EPHB1: variants seen among roughly 807,000 people sequenced by gnomAD.
EPHB1 encodes the protein EPH receptor B1, also known as ephrin type-B receptor 1.
In EPHB1, 30 loss-of-function variants were observed where a neutral mutation model predicts 94.4. The ratio of observed to expected loss-of-function variants is 0.32; its 90% confidence interval spans 0.24 to 0.43. The LOEUF is 0.43. EPHB1 is among the 20% of genes least tolerant of loss of function. The pLI, the probability that EPHB1 is intolerant of heterozygous loss-of-function variation, is 1.00. For synonymous variants in EPHB1, 522 were observed against 489.1 expected (o/e 1.07, Z -0.89); for missense variants, 1,055 against 1,308.3 (o/e 0.81, Z 2.99).
At chr3:135,162,637 C>T (rs1377037955) in intron 7 of EPHB1, among the ~76,000 whole-genome samples, 2 of 152,206 alleles carry the variant, frequency 1.3e-5, no homozygotes, top group African/African-American at 4.8e-5. Context: ...CACCTGGGAT[C>T]TCAGAAATTT....
rs908477198 is a variant in EPHB1 at position 135,249,598 on chromosome 3, C to T, written c.2846+107C>T. On this transcript the variant is annotated intron_variant, in intron 15 of 15. Coordinates refer to ENST00000398015, the MANE Select transcript of EPHB1 (RefSeq NM_004441.5). ...ATTTCTGGCCTCATCCCTGGAGCTC[C>T]GTCTCTGTATAGACCAGGCCTGGAT... The T allele has an allele frequency of 6.6e-5, 87 of 1,328,078 alleles. No individual in the cohort carries two copies. In the African/African-American group the frequency reaches 1.0e-3, roughly 16 times the overall value. The allele number at this position is 1,328,078 out of a possible 1,614,324, so 82.3% of individuals were successfully genotyped here. A position where few individuals can be genotyped will look rare whatever the true frequency, so the allele number is the denominator to read the frequency against.
intron 3 of EPHB1, among the ~76,000 whole-genome samples, chr3:134,970,339 TC>T (rs1270651858): frequency 1.3e-5 from 2 of 152,222 alleles, no homozygotes; most frequent in Non-Finnish European, 2.9e-5. Context: ...TCCAATTATT[TC>T]AACATGGAGA....
At chr3:134,902,777 T>TGG (rs1336927016) in intron 1 of EPHB1, among the ~76,000 whole-genome samples, 1 of 152,242 alleles carries the variant, frequency 6.6e-6, no homozygotes, top group Non-Finnish European at 1.5e-5. Flanking sequence ...GAGCTATTAC[T>TGG]GGGAGTAGGG....
chr3:134,893,066 G>A (rs1202209289), intron 1 of EPHB1, among the ~76,000 whole-genome samples: 1 of 152,064 alleles, frequency 6.6e-6, no homozygotes, highest in Non-Finnish European at 1.5e-5. Context: ...TCATCCATCT[G>A]AGAACCAATT....
chr3:135,143,215 G>T (rs921364074), intron 5 of EPHB1, among the ~76,000 whole-genome samples: 14 of 152,088 alleles, frequency 9.2e-5, no homozygotes, highest in African/African-American at 3.4e-4. Flanking sequence ...ATCAAGAAGA[G>T]GCCCACAACT....
chr3:134,876,188 T>C (rs752117917), intron 1 of EPHB1, among the ~76,000 whole-genome samples: 17 of 152,094 alleles, frequency 1.1e-4, no homozygotes, highest in Non-Finnish European at 2.5e-4. Flanking sequence ...CACCCACATC[T>C]AGGTTAAACT....
chr3:134,988,673 G>A (rs538170203), intron 3 of EPHB1, among the ~76,000 whole-genome samples: 1 of 152,022 alleles, frequency 6.6e-6, no homozygotes, highest in Non-Finnish European at 1.5e-5. Flanking sequence ...CCTATCATGC[G>A]GTTTTTACTT....
At position 134,818,181 on chromosome 3, in the gene EPHB1, T is replaced by C. The variant is rs2036306253; in HGVS notation, c.58+22492T>C. Reference sequence around the variant, plus strand: ...GATTGTAAGGCAATGACTGGGGAATTCACTTTCTCTACCCTACTTTCATTT... The same window carrying C: ...GATTGTAAGGCAATGACTGGGGAATCCACTTTCTCTACCCTACTTTCATTT... On this transcript the variant is annotated intron_variant, in intron 1 of 15. Transcript: ENST00000398015. Among the ~76,000 whole-genome samples the C allele has an allele frequency of 2.0e-5, 3 of 152,136 alleles. No homozygotes were observed. The South Asian group carries it at 6.2e-4, about 31-fold the overall frequency.
At chr3:134,998,390 T>G (rs1269791831) in intron 3 of EPHB1, among the ~76,000 whole-genome samples, 12 of 152,208 alleles carry the variant, frequency 7.9e-5, no homozygotes, top group Admixed American at 7.9e-4. Flanking sequence ...CAGTTCCTCA[T>G]TGGTAGTAGC....
chr3:135,248,452 T>C lies in EPHB1; in HGVS notation c.2633T>C (p.Leu878Pro). The change falls in exon 14 of 16, where the codon CTA becomes CCA. Residue 878 changes from leucine to proline, a missense_variant. By Grantham distance (98) the Leu-to-Pro change is moderately conservative. Transcript: ENST00000398015. The part of the protein sequence containing the change: ...RPRFAEIVNT[L>P]DKMIRNPASL... Reference sequence around the variant, plus strand: ...CGGTTTGCGGAGATTGTCAACACCCTAGATAAGATGATCCGGAACCCGGCA... The same window carrying C: ...CGGTTTGCGGAGATTGTCAACACCCCAGATAAGATGATCCGGAACCCGGCA... 6.2e-7 allele frequency: 1 copy of C among 1,613,500 alleles called. No individual in the cohort carries two copies. Among genetic ancestry groups the C allele is most frequent in the Non-Finnish European group, 8.5e-7 (1 of 1,179,624 alleles).
chr3:134,859,859 T>TA (rs1399536554), intron 1 of EPHB1, among the ~76,000 whole-genome samples: 25 of 152,282 alleles, frequency 1.6e-4, no homozygotes, highest in African/African-American at 6.0e-4. Context: ...CATAATTTGG[T>TA]ATCTTGCTTT....
At chr3:134,997,944 C>T (rs900557660) in intron 3 of EPHB1, among the ~76,000 whole-genome samples, 9 of 152,222 alleles carry the variant, frequency 5.9e-5, no homozygotes, top group Non-Finnish European at 8.8e-5. Flanking sequence ...GTTTTATAGG[C>T]GGGGTTAATA....
chr3:134,825,215 T>C (rs1042541200), intron 1 of EPHB1, among the ~76,000 whole-genome samples: 1 of 152,216 alleles, frequency 6.6e-6, no homozygotes, highest in Admixed American at 6.5e-5. Context: ...TGCCTCTTGG[T>C]GAATCCTGCC....
intron 3 of EPHB1, among the ~76,000 whole-genome samples, chr3:135,029,539 T>G (rs943874357): frequency 3.4e-5 from 5 of 149,008 alleles, no homozygotes; most frequent in African/African-American, 1.2e-4. Context: ...TTTAAGAATG[T>G]TGAATATTGG....
At chr3:134,846,029 G>T (rs1178587376) in intron 1 of EPHB1, among the ~76,000 whole-genome samples, 2 of 152,138 alleles carry the variant, frequency 1.3e-5, no homozygotes, top group East Asian at 3.9e-4. Context: ...TTCTAAGGTG[G>T]TCACACCTTT....
intron 3 of EPHB1, among the ~76,000 whole-genome samples, chr3:135,065,192 A>C (rs1937565625): frequency 6.6e-6 from 1 of 152,100 alleles, no homozygotes; most frequent in South Asian, 2.1e-4. Flanking sequence ...GTTGGATGGA[A>C]TCTTCTGTAT....
rs2035798758 is a variant in EPHB1 at position 134,795,331 on chromosome 3, C to T, written c.-301C>T. The T allele has an allele frequency of 4.1e-6, 2 of 482,956 alleles. No individual in the cohort carries two copies. The highest frequency in any genetic ancestry group is 7.3e-6 in the Non-Finnish European group (2 of 274,646). The allele number at this position is 482,956 out of a possible 1,614,324, so 29.9% of individuals were successfully genotyped here. On this transcript the variant is annotated 5_prime_UTR_variant, in exon 1 of 16. Transcript: ENST00000398015. The stretch of plus-strand genomic sequence containing the variant: ...TGTGACACCAGGACGCACTCGCTCT[C>T]GCGCGCTCTCCCAGGCTCGTTCTCC...
In EPHB1 at chr3:135,259,109, G is replaced by A. The variant is rs754767477; in HGVS notation, c.2944G>A (p.Ala982Thr). 6.8e-6 allele frequency: 11 copies of A among 1,607,282 alleles called. No homozygotes were observed. In the South Asian group the frequency reaches 9.0e-5, roughly 13 times the overall value. The change falls in exon 16 of 16, where the codon GCA becomes ACA. Residue 982 changes from alanine to threonine, a missense_variant. Physicochemically the swap from Ala to Thr is moderately conservative, Grantham distance 58 (BLOSUM62 0). Transcript: ENST00000398015. ...MRVQISQSPT[A>T]MA Reference sequence around the variant, plus strand: ...GGTCCAGATAAGTCAGTCACCAACGGCAATGGCATGAGAACTCTTGTTTCT... The same window carrying A: ...GGTCCAGATAAGTCAGTCACCAACGACAATGGCATGAGAACTCTTGTTTCT...
chr3:134,973,492 C>A (rs895636332), intron 3 of EPHB1, among the ~76,000 whole-genome samples: 4 of 131,570 alleles, frequency 3.0e-5, no homozygotes, highest in African/African-American at 1.2e-4. Flanking sequence ...AGTGCAGTGG[C>A]ATGATCTTGG....
Sources: gnomAD v4.1 joint callset for allele counts (sites outside exome capture counted in the v4.1 genomes callset) on GRCh38, gnomAD v4.1.1 for gene constraint, MANE v1.5 for transcripts, NCBI Gene and HGNC (gene_info 2026-07-23, HGNC 2026-07-21) for gene names.